The following GALNTL6 variants were observed in gnomAD, a reference collection of about 807,000 sequenced individuals.
GALNTL6 encodes the protein polypeptide N-acetylgalactosaminyltransferase like 6, also known as polypeptide N-acetylgalactosaminyltransferase-like 6.
A neutral mutation model predicts 73.7 loss-of-function variants in GALNTL6; 46 were observed. That is an observed-to-expected ratio of 0.62 (90% CI 0.49 to 0.80). GALNTL6 has a LOEUF of 0.80. GALNTL6 is among the 30% of genes least tolerant of loss of function. The pLI is 0.00. For synonymous variants in GALNTL6, 259 were observed against 263.7 expected (o/e 0.98, Z 0.17); for missense variants, 604 against 755.0 (o/e 0.80, Z 2.34).
chr4:171,994,695 T>C (rs1740435433), intron 2 of GALNTL6, among the ~76,000 whole-genome samples: 1 of 151,640 alleles, frequency 6.6e-6, no homozygotes, highest in Admixed American at 6.6e-5. Context: ...TTGGTTTTGT[T>C]GCTGTGTTAT....
rs1560910481 is a variant in GALNTL6 at position 172,072,333 on chromosome 4, T to C, written c.139-157323T>C. ...CAAATTTTTAGTGACTAAGGTTTGG[T>C]CCTTAGGGTTTTTTTCTACTTATCT... On this transcript the variant is annotated intron_variant, in intron 2 of 12. Transcript: ENST00000506823. Among the ~76,000 whole-genome samples the C allele has an allele frequency of 2.0e-5, 3 of 152,168 alleles. No homozygotes were observed. The South Asian group carries it at 6.2e-4, about 32-fold the overall frequency.
chr4:172,220,057 A>G (rs1736621789), intron 2 of GALNTL6, among the ~76,000 whole-genome samples: 1 of 151,850 alleles, frequency 6.6e-6, no homozygotes, highest in Admixed American at 6.6e-5. Flanking sequence ...TCTTAAATTT[A>G]TTGTCTCTCA....
At chr4:171,865,485 T>C (rs1242827167) in intron 2 of GALNTL6, among the ~76,000 whole-genome samples, 2 of 152,232 alleles carry the variant, frequency 1.3e-5, no homozygotes, top group Non-Finnish European at 2.9e-5. Context: ...CAGTAATTAG[T>C]TCCAGAAAGT....
intron 5 of GALNTL6, among the ~76,000 whole-genome samples, chr4:172,437,896 G>A (rs1731690946): frequency 6.6e-6 from 1 of 152,118 alleles, no homozygotes; most frequent in Non-Finnish European, 1.5e-5. Context: ...GCCATTAGAT[G>A]TGATAGGCAT....
At chr4:172,714,003 G>A (rs1395695984) in intron 5 of GALNTL6, among the ~76,000 whole-genome samples, 1 of 152,094 alleles carries the variant, frequency 6.6e-6, no homozygotes, top group Non-Finnish European at 1.5e-5. Flanking sequence ...GATCACTTGA[G>A]GTCAGGAGTT....
chr4:171,914,780 T>TA (rs11447734), intron 2 of GALNTL6, among the ~76,000 whole-genome samples: 41,934 of 144,710 alleles, frequency 0.29, 7,018 homozygotes, highest in African/African-American at 0.47. Flanking sequence ...GTAAAAATGA[T>TA]AAAAAAAAAA....
At chr4:172,010,905 T>C (rs1314375671) in intron 2 of GALNTL6, among the ~76,000 whole-genome samples, 1 of 151,984 alleles carries the variant, frequency 6.6e-6, no homozygotes, top group African/African-American at 2.4e-5. Context: ...AGAAAGAAAA[T>C]AAGATTTGAG....
intron 2 of GALNTL6, among the ~76,000 whole-genome samples, chr4:171,838,259 G>A (rs1283961923): frequency 2.0e-5 from 3 of 151,838 alleles, no homozygotes; most frequent in African/African-American, 7.3e-5. Flanking sequence ...AAGAAGCTGG[G>A]GTTACAGGAG....
intron 7 of GALNTL6, 140 bp from the exon 8 acceptor site, chr4:172,882,650 C>T (rs926496239): frequency 1.5e-6 from 1 of 648,822 alleles, no homozygotes; most frequent in African/African-American, 1.8e-5. Flanking sequence ...AACCCTATAT[C>T]CACTTACAGA....
intron 5 of GALNTL6, among the ~76,000 whole-genome samples, chr4:172,647,837 G>C (rs1278031934): frequency 6.6e-6 from 1 of 152,016 alleles, no homozygotes; most frequent in Non-Finnish European, 1.5e-5. Flanking sequence ...CCCTACAATG[G>C]TAATGCATTG....
chr4:172,985,870 G>A (rs1751267573), intron 10 of GALNTL6, among the ~76,000 whole-genome samples: 2 of 152,200 alleles, frequency 1.3e-5, no homozygotes, highest in Admixed American at 6.5e-5. Flanking sequence ...GCAATTGGGA[G>A]TTTGAATTCT....
In GALNTL6 at chr4:172,300,389, ATGTG is replaced by A. The variant is rs1240455880; in HGVS notation, c.248-11222_248-11219del. Among the ~76,000 whole-genome samples, 4 of 152,080 alleles carry A rather than the reference ATGTG, an allele frequency of 2.6e-5. No individual in the cohort carries two copies. The East Asian group carries it at 7.7e-4, about 29-fold the overall frequency. On this transcript the variant is annotated intron_variant, in intron 3 of 12. Coordinates refer to ENST00000506823, the MANE Select transcript of GALNTL6 (RefSeq NM_001034845.3). ...ATTTACATTTAAGGTTAATATTGTT[ATGTG>A]TGAATTTGATCCTGTCATTATGATG... is the stretch of plus-strand genomic sequence containing the variant.
At chr4:172,224,034 T>C (rs28558452) in intron 2 of GALNTL6, among the ~76,000 whole-genome samples, 2,184 of 152,278 alleles carry the variant, frequency 0.014, 55 homozygotes, top group African/African-American at 0.05. Flanking sequence ...CATAATTTAT[T>C]ATTTGTTTAA....
At chr4:172,748,169 A>C (rs967806307) in intron 5 of GALNTL6, among the ~76,000 whole-genome samples, 1 of 152,216 alleles carries the variant, frequency 6.6e-6, no homozygotes, top group Non-Finnish European at 1.5e-5. Flanking sequence ...TTAATAAAAA[A>C]CAAGTAAGAT....
chr4:172,013,803 A>G (rs775450550), intron 2 of GALNTL6, among the ~76,000 whole-genome samples: 22 of 151,954 alleles, frequency 1.4e-4, no homozygotes, highest in Non-Finnish European at 2.8e-4. Context: ...GGTCTTATTC[A>G]TTCTTCTAAC....
intron 2 of GALNTL6, among the ~76,000 whole-genome samples, chr4:171,984,442 T>C (rs889579266): frequency 2.6e-5 from 4 of 152,044 alleles, no homozygotes; most frequent in African/African-American, 7.2e-5. Flanking sequence ...TACCAGACAA[T>C]TGAGTTGGCA....
chr4:173,011,536 G>A (rs2126497698), intron 11 of GALNTL6, among the ~76,000 whole-genome samples: 1 of 152,264 alleles, frequency 6.6e-6, no homozygotes, highest in Admixed American at 6.5e-5. Context: ...TTTTGTACAT[G>A]ACAAGAGATG....
Position 172,570,638 on chromosome 4 carries a change from G to A in GALNTL6, c.553+221949G>A, listed in dbSNP as rs77250579. On this transcript the variant is annotated intron_variant, in intron 5 of 12. Transcript: ENST00000506823. ...CCCAACCTTTATGGCACCAGGGAGG[G>A]GCCAGTTTTGTGGAAGAAAACTTTT... 8.5e-3 allele frequency among the ~76,000 whole-genome samples: 1,297 copies of A among 152,212 alleles called. 22 individuals carry two copies. Among genetic ancestry groups the A allele is most frequent in the African/African-American group, 0.03 (1,251 of 41,514 alleles).
At chr4:171,880,537 T>C (rs893748378) in intron 2 of GALNTL6, among the ~76,000 whole-genome samples, 2 of 152,152 alleles carry the variant, frequency 1.3e-5, no homozygotes, top group African/African-American at 2.4e-5. Context: ...GCCAATTAAC[T>C]GGAACAGTGA....
Sources: allele counts gnomAD v4.1 joint callset (sites outside exome capture counted in the v4.1 genomes callset), GRCh38; gene constraint gnomAD v4.1.1; transcripts MANE v1.5; gene names NCBI Gene and HGNC (gene_info 2026-07-23, HGNC 2026-07-21).